The following PAX2 variants were observed in gnomAD, a reference collection of about 807,000 sequenced individuals.
PAX2 encodes paired box protein Pax-2.
Under a neutral mutation model 41.7 loss-of-function variants are expected in PAX2, and 9 were observed. The ratio of observed to expected loss-of-function variants is 0.22; its 90% CI spans 0.13 to 0.38. The LOEUF is 0.38. Ranked by LOEUF, PAX2 falls within the 10% of genes least tolerant of loss-of-function variation. The pLI is 1.00. For missense variants in PAX2, 418 were observed against 531.6 expected, an observed-to-expected ratio of 0.79 and a Z score of 2.10; for synonymous variants, 221 against 212.7, an observed-to-expected ratio of 1.04 and a Z score of -0.34.
At chr10:100,779,648 C>T (rs1350440872) in intron 4 of PAX2, 65 bp downstream of exon 4, 1 of 1,307,088 alleles carries the variant, frequency 7.7e-7, no homozygotes. Flanking sequence ...AAACGCAGCT[C>T]CACCCCTGGG....
At chr10:100,741,148 G>C (rs1434448403), upstream of PAX2, among the ~76,000 whole-genome samples, 1 of 152,160 alleles carries the variant, frequency 6.6e-6, no homozygotes, top group African/African-American at 2.4e-5. Flanking sequence ...GGCCCAGCAC[G>C]TGCGCCTGGA....
chr10:100,791,945 G>C lies in PAX2; in HGVS notation c.616+10580G>C, dbSNP rs537372521. Among the ~76,000 whole-genome samples, 2 of 152,304 alleles carry C rather than the reference G, an allele frequency of 1.3e-5. No individual in the cohort carries two copies. The highest frequency in any genetic ancestry group is 3.9e-4 in the East Asian group (2 of 5,174). ...GGTGAGGGACAGTGTGGGTGGTCTT[G>C]GGCAGTGGGTATGTGGTCCAGGCAG... On this transcript the variant is annotated intron_variant, in intron 5 of 9. Transcript: ENST00000355243. This position sits in a 1 kb window ranked among gnomAD's most constrained non-coding sequence, Gnocchi z 4.5.
In PAX2 at chr10:100,766,644, A is replaced by G. The variant is rs149133540; in HGVS notation, c.411-12854A>G. 5.1e-3 allele frequency among the ~76,000 whole-genome samples: 775 copies of G among 152,336 alleles called. 11 individuals are homozygous for G. The highest frequency in any genetic ancestry group is 0.018 in the African/African-American group (743 of 41,590). ...GCAGGGACATTTGCTTCCAAGAAGA[A>G]TAGAATCGTATTTTTGGTTATCAAG... On this transcript the variant is annotated intron_variant, in intron 3 of 9. Coordinates refer to ENST00000355243, the MANE Select transcript of PAX2 (RefSeq NM_000278.5).
At chr10:100,760,945 C>G (rs949219007) in intron 3 of PAX2, among the ~76,000 whole-genome samples, 5 of 152,280 alleles carry the variant, frequency 3.3e-5, no homozygotes, top group Middle Eastern at 3.4e-3. Flanking sequence ...CTGTGACTGT[C>G]TGGAGTCTGG....
intron 3 of PAX2, among the ~76,000 whole-genome samples, chr10:100,752,088 G>A (rs1282993059): frequency 1.3e-5 from 2 of 152,174 alleles, no homozygotes; most frequent in Non-Finnish European, 2.9e-5. Context: ...AAAATTAGCT[G>A]GTAGAATGTA....
intron 7 of PAX2, among the ~76,000 whole-genome samples, chr10:100,812,679 AC>A (rs932247235): frequency 4.0e-5 from 6 of 150,282 alleles, no homozygotes; most frequent in African/African-American, 9.8e-5. Flanking sequence ...TCTCACCTTG[AC>A]CCCCCCTCCC....
chr10:100,794,687 C>T (rs1847260526), intron 5 of PAX2, among the ~76,000 whole-genome samples: 1 of 152,226 alleles, frequency 6.6e-6, no homozygotes, highest in African/African-American at 2.4e-5. Context: ...AGCCTTGCCA[C>T]TCTCCCATCT....
At chr10:100,819,210 T>C (rs1848293635) in intron 7 of PAX2, among the ~76,000 whole-genome samples, 1 of 149,434 alleles carries the variant, frequency 6.7e-6, no homozygotes, top group Non-Finnish European at 1.5e-5. Flanking sequence ...ATTGCACCAC[T>C]GCACTCCAGC....
At chr10:100,793,203 C>G (rs1847194674) in intron 5 of PAX2, among the ~76,000 whole-genome samples, 1 of 152,232 alleles carries the variant, frequency 6.6e-6, no homozygotes, top group Non-Finnish European at 1.5e-5. Context: ...TGGGAAAGGG[C>G]TAGGGTCCCA....
At chr10:100,742,754 C>A (rs912636173), upstream of PAX2, among the ~76,000 whole-genome samples, 1 of 151,424 alleles carries the variant, frequency 6.6e-6, no homozygotes, top group Admixed American at 6.6e-5. Flanking sequence ...GAAAAGCAAC[C>A]AACCCTGACA....
intron 5 of PAX2, among the ~76,000 whole-genome samples, chr10:100,783,619 A>G (rs1488337268): frequency 6.7e-6 from 1 of 149,938 alleles, no homozygotes; most frequent in Non-Finnish European, 1.5e-5. Flanking sequence ...TTAGGGCCAC[A>G]GGATAGCAGG....
rs962503082 is a variant in PAX2, at chr10:100,745,750, C to T, written c.-511C>T. 2.3e-5 allele frequency: 24 copies of T among 1,045,534 alleles called. No homozygotes were observed. In the African/African-American group the frequency reaches 3.3e-4, roughly 15 times the overall value. The allele number at this position is 1,045,534 out of a possible 1,614,324, so 64.8% of individuals were successfully genotyped here. A position where few individuals can be genotyped will look rare whatever the true frequency, so the allele number is the denominator to read the frequency against. On this transcript the variant is annotated 5_prime_UTR_variant, in exon 1 of 10. Transcript: ENST00000355243. ...GCGCGCTCCCCTCCCGCAGGCGCCA[C>T]CTCGGACATCCCCGGGATTGCTACT...
rs2133821693 is a variant in PAX2 at position 100,745,636 on chromosome 10, T to G, written c.-625T>G. On this transcript the variant is annotated 5_prime_UTR_variant, in exon 1 of 10. Coordinates refer to ENST00000355243, the MANE Select transcript of PAX2 (RefSeq NM_000278.5). Reference sequence around the variant, plus strand: ...AACCCACCTGGGGCCAGCCCAGAGCTGCCAGCGCCGCTCGGCTCCCTCCCT... The same window carrying G: ...AACCCACCTGGGGCCAGCCCAGAGCGGCCAGCGCCGCTCGGCTCCCTCCCT... 2.0e-6 allele frequency: 1 copy of G among 510,426 alleles called. No homozygotes were observed. The highest frequency in any genetic ancestry group is 8.1e-5 in the East Asian group (1 of 12,350). 31.6% of individuals were successfully genotyped at this position (510,426 alleles called of 1,614,324 possible).
intron 5 of PAX2, among the ~76,000 whole-genome samples, chr10:100,804,271 TACACAC>T (rs10639967): frequency 7.4e-5 from 11 of 147,764 alleles, no homozygotes; most frequent in African/African-American, 1.3e-4. Context: ...GTTCAGCCCC[TACACAC>T]ACACACACAC....
chr10:100,803,330 C>G (rs970643651), intron 5 of PAX2, among the ~76,000 whole-genome samples: 12 of 152,064 alleles, frequency 7.9e-5, no homozygotes, highest in Admixed American at 2.6e-4. Flanking sequence ...CTTCCCTGAG[C>G]TTATCCTCCT....
chr10:100,817,062 TG>T (rs1848210635), intron 7 of PAX2, among the ~76,000 whole-genome samples: 1 of 152,212 alleles, frequency 6.6e-6, no homozygotes, highest in South Asian at 2.1e-4. Flanking sequence ...GCTTAACCTC[TG>T]CCCACCCAGC....
intron 5 of PAX2, among the ~76,000 whole-genome samples, chr10:100,781,870 A>G (rs1846643317): frequency 6.6e-6 from 1 of 152,062 alleles, no homozygotes; most frequent in African/African-American, 2.4e-5. Flanking sequence ...CTTCTTCTCC[A>G]TGAGTAGAAA....
At chr10:100,793,948 CCA>C (rs1379350658) in intron 5 of PAX2, among the ~76,000 whole-genome samples, 2 of 152,114 alleles carry the variant, frequency 1.3e-5, no homozygotes, top group African/African-American at 2.4e-5. Context: ...CATTAAATGC[CCA>C]GACACATGGC....
In PAX2 at chr10:100,829,465, C is replaced by G. The variant is rs1361976283; in HGVS notation, c.*1846C>G. 4.8e-6 allele frequency: 1 copy of G among 207,342 alleles called. No individual in the cohort carries two copies. The highest frequency in any genetic ancestry group is 9.9e-6 in the Non-Finnish European group (1 of 100,996). The allele number at this position is 207,342 out of a possible 1,614,324, so 12.8% of individuals were successfully genotyped here. A position where few individuals can be genotyped will look rare whatever the true frequency, so the allele number is the denominator to read the frequency against. On this transcript the variant is annotated 3_prime_UTR_variant, in exon 10 of 10. Coordinates refer to ENST00000355243, the MANE Select transcript of PAX2 (RefSeq NM_000278.5). ...AAGGCCGGGCCGCCCCGTCCCGCCC[C>G]GTAGTTGCTCTTTCGGTAGTGGCGA...
Sources: gnomAD v4.1 joint callset for allele counts (sites outside exome capture counted in the v4.1 genomes callset) on GRCh38, gnomAD v4.1.1 for gene constraint, Gnocchi (gnomAD v3.1) non-coding constraint, MANE v1.5 for transcripts, NCBI Gene and HGNC (gene_info 2026-07-23, HGNC 2026-07-21) for gene names.